STIMATE: variants seen among roughly 807,000 people sequenced by gnomAD.
STIMATE encodes the protein STIM activating enhancer, also known as store-operated calcium entry regulator STIMATE.
A neutral mutation model predicts 36.7 loss-of-function variants in STIMATE; 15 were observed. That is an observed-to-expected ratio of 0.41 (90% CI 0.27 to 0.63). STIMATE has a LOEUF of 0.63. Among genes scored for constraint, STIMATE ranks in the 20% least tolerant of loss-of-function variants. The pLI is 0.32. For synonymous variants in STIMATE, 163 were observed against 162.3 expected (o/e 1.00, Z -0.03); for missense variants, 305 against 397.3 (o/e 0.77, Z 1.98).
intron 1 of STIMATE, among the ~76,000 whole-genome samples, chr3:52,878,581 T>C (rs988692717): frequency 6.6e-6 from 1 of 152,240 alleles, no homozygotes; most frequent in African/African-American, 2.4e-5. Context: ...CATTCCTGGC[T>C]ACACTATCTC....
chr3:52,840,796 T>G (rs2106644666), intron 7 of STIMATE, among the ~76,000 whole-genome samples, 186 bp from the exon 8 acceptor site: 1 of 151,484 alleles, frequency 6.6e-6, no homozygotes, highest in South Asian at 2.1e-4. Context: ...GCCTCCTGGG[T>G]TCGAGTGATT....
intron 1 of STIMATE, among the ~76,000 whole-genome samples, chr3:52,884,402 C>T (rs970182829): frequency 2.6e-5 from 4 of 152,068 alleles, no homozygotes; most frequent in South Asian, 4.2e-4. Flanking sequence ...CCCGCCACCA[C>T]GCCCGGCTAA....
chr3:52,840,443 G>A lies in STIMATE; in HGVS notation c.*51C>T, dbSNP rs1398796296. ...GGAACGATGCTGCGGGATGACCTCT[G>A]CACACCAGCGGCTGGCGGGGCCCTC... On this transcript the variant is annotated 3_prime_UTR_variant, in exon 8 of 8. Coordinates refer to ENST00000355083, the MANE Select transcript of STIMATE (RefSeq NM_198563.5). The A allele has an allele frequency of 1.3e-6, 2 of 1,594,628 alleles. No homozygotes were observed. The highest frequency in any genetic ancestry group is 3.4e-5 in the Admixed American group (2 of 59,578).
At chr3:52,851,151 G>A (rs781013264) in intron 3 of STIMATE, among the ~76,000 whole-genome samples, 2 of 152,172 alleles carry the variant, frequency 1.3e-5, no homozygotes, top group Non-Finnish European at 2.9e-5. Context: ...GTTTCCATCC[G>A]ACACAAAATT....
intron 1 of STIMATE, among the ~76,000 whole-genome samples, chr3:52,882,298 T>C (rs1037833026): frequency 2.6e-5 from 4 of 152,224 alleles, no homozygotes; most frequent in African/African-American, 7.2e-5. Context: ...GCAGTCTTCA[T>C]AATAACCTGA....
rs201382030 is a variant in STIMATE, at chr3:52,855,460, G to C, written c.161-16C>G. The C allele has an allele frequency of 1.9e-6, 3 of 1,614,010 alleles. No individual in the cohort carries two copies. Among genetic ancestry groups the C allele is most frequent in the Non-Finnish European group, 1.7e-6 (2 of 1,179,992 alleles). ...AAGCGTTTGACTGAAAGAAAAGACA[G>C]ACATCAGTAGTTTTCCAAAGAAGTT... On this transcript the variant is annotated splice_polypyrimidine_tract_variant and intron_variant, in intron 1 of 7. Coordinates refer to ENST00000355083, the MANE Select transcript of STIMATE (RefSeq NM_198563.5).
intron 1 of STIMATE, among the ~76,000 whole-genome samples, chr3:52,859,476 G>A (rs1701168226): frequency 1.3e-5 from 1 of 75,356 alleles, no homozygotes; most frequent in African/African-American, 5.0e-5. Context: ...AGACCAGCCT[G>A]AGCAACAAAG....
At chr3:52,888,456 G>C (rs1204913562) in intron 1 of STIMATE, among the ~76,000 whole-genome samples, 1 of 152,170 alleles carries the variant, frequency 6.6e-6, no homozygotes, top group African/African-American at 2.4e-5. Flanking sequence ...CAAATAGAAA[G>C]CTGCTCTAAT....
chr3:52,843,833 A>C, intron 5 of STIMATE, 35 bp from the exon 6 acceptor site: 1 of 1,492,230 alleles, frequency 6.7e-7, no homozygotes. Flanking sequence ...AGGTAGGGAG[A>C]GGCCACCGAG....
intron 1 of STIMATE, among the ~76,000 whole-genome samples, chr3:52,860,929 C>T (rs554232411): frequency 6.0e-4 from 91 of 152,262 alleles, no homozygotes; most frequent in African/African-American, 2.0e-3. Flanking sequence ...CCCTGTCCCA[C>T]GGAAACAGTT....
At chr3:52,843,196 G>A (rs1187195734) in intron 6 of STIMATE, 8 of 762,936 alleles carry the variant, frequency 1.0e-5, no homozygotes, top group Admixed American at 9.4e-5. Context: ...ACGGGTTTTT[G>A]TTGTGGTAAC....
chr3:52,837,853 A>G lies in STIMATE; in HGVS notation c.*2641T>C. 6.6e-6 allele frequency: 1 copy of G among 152,182 alleles called. No individual in the cohort carries two copies. Among genetic ancestry groups the G allele is most frequent in the Non-Finnish European group, 1.5e-5 (1 of 68,036 alleles). 9.4% of individuals were successfully genotyped at this position (152,182 alleles called of 1,614,324 possible). ...AGCAGGTGGAGAGGAAACTCATCCC[A>G]GGGAGGGAGGGCAGCTCGGGAGGAA... is the stretch of plus-strand genomic sequence containing the variant. On this transcript the variant is annotated 3_prime_UTR_variant, in exon 8 of 8. Transcript: ENST00000355083.
At chr3:52,855,591 C>T in intron 1 of STIMATE, 147 bp from the exon 2 acceptor site, 1 of 1,185,102 alleles carries the variant, frequency 8.4e-7, no homozygotes, top group Non-Finnish European at 1.2e-6. Flanking sequence ...ATACAGTAAG[C>T]CCTGCGAAGG....
intron 1 of STIMATE, among the ~76,000 whole-genome samples, chr3:52,869,648 GA>G (rs1701369793): frequency 1.3e-5 from 2 of 152,312 alleles, no homozygotes; most frequent in Admixed American, 1.3e-4. Flanking sequence ...GTTAAGGAGG[GA>G]TACAGAGACC....
intron 1 of STIMATE, chr3:52,895,850 A>C: frequency 7.8e-7 from 1 of 1,274,896 alleles, no homozygotes; most frequent in Non-Finnish European, 1.0e-6. Flanking sequence ...AGGACAGAGA[A>C]GTAGGAGGGG....
intron 1 of STIMATE, among the ~76,000 whole-genome samples, chr3:52,880,065 C>T (rs1247898048): frequency 6.6e-6 from 1 of 152,224 alleles, no homozygotes; most frequent in East Asian, 1.9e-4. Context: ...CATGCTCTGG[C>T]CCTGCTATTT....
intron 1 of STIMATE, among the ~76,000 whole-genome samples, chr3:52,870,858 C>G (rs1701390927): frequency 6.6e-6 from 1 of 152,064 alleles, no homozygotes. Flanking sequence ...TCAGGGGTCA[C>G]TAAGGTGCTC....
chr3:52,885,778 T>C (rs1009109451), intron 1 of STIMATE, among the ~76,000 whole-genome samples: 2 of 152,220 alleles, frequency 1.3e-5, no homozygotes, highest in Non-Finnish European at 2.9e-5. Context: ...TTCGCTTGGG[T>C]TCCTCCTTGC....
chr3:52,862,100 C>G (rs1399514760), intron 1 of STIMATE, among the ~76,000 whole-genome samples: 1 of 152,190 alleles, frequency 6.6e-6, no homozygotes, highest in Non-Finnish European at 1.5e-5. Context: ...TGTCTCCTGC[C>G]CACTCTGCTA....
Sources: gnomAD v4.1 joint callset for allele counts (sites outside exome capture counted in the v4.1 genomes callset) on GRCh38, gnomAD v4.1.1 for gene constraint, MANE v1.5 for transcripts, NCBI Gene and HGNC (gene_info 2026-07-23, HGNC 2026-07-21) for gene names.